Variants in HS6ST3 observed in about 807,000 individuals in gnomAD.
HS6ST3 encodes heparan sulfate 6-O-sulfotransferase 3, also known as heparan-sulfate 6-O-sulfotransferase 3.
In HS6ST3, 12 loss-of-function variants were observed where a neutral mutation model predicts 36.7. The ratio of observed to expected loss-of-function variants is 0.33; its 90% CI spans 0.21 to 0.53. The LOEUF (loss-of-function observed/expected upper bound fraction) is 0.53, where lower values mean the gene tolerates loss of function less well. Among genes scored for constraint, HS6ST3 ranks in the 20% least tolerant of loss-of-function variants. The pLI is 0.95. For synonymous variants in HS6ST3, 240 were observed against 257.5 expected (o/e 0.93, Z 0.65); for missense variants, 584 against 640.9 (o/e 0.91, Z 0.96).
chr13:96,768,926 C>T (rs753408609), intron 1 of HS6ST3, among the ~76,000 whole-genome samples: 2 of 152,026 alleles, frequency 1.3e-5, no homozygotes, highest in Admixed American at 6.5e-5. Context: ...CTGGGCTAGA[C>T]CCCAGAATGT....
At chr13:96,100,584 A>G (rs2053813506) in intron 1 of HS6ST3, among the ~76,000 whole-genome samples, 1 of 152,160 alleles carries the variant, frequency 6.6e-6, no homozygotes, top group African/African-American at 2.4e-5. Flanking sequence ...CCGAAGGAGA[A>G]ACTTCTGGAG....
chr13:96,262,444 T>C (rs1173353046), intron 1 of HS6ST3, among the ~76,000 whole-genome samples: 2 of 152,166 alleles, frequency 1.3e-5, no homozygotes, highest in Non-Finnish European at 2.9e-5. Context: ...ATGTGTCTTT[T>C]TGGGGAAAAA....
At chr13:96,699,307 A>T (rs1358726809) in intron 1 of HS6ST3, among the ~76,000 whole-genome samples, 4 of 152,226 alleles carry the variant, frequency 2.6e-5, no homozygotes, top group African/African-American at 9.6e-5. Context: ...ATCAGAATTC[A>T]CAAGCAACCT....
chr13:96,731,848 G>T (rs1951018219), intron 1 of HS6ST3, among the ~76,000 whole-genome samples: 1 of 151,856 alleles, frequency 6.6e-6, no homozygotes, highest in South Asian at 2.1e-4. Context: ...TAGAGACAGG[G>T]TCTCGCTATG....
intron 1 of HS6ST3, among the ~76,000 whole-genome samples, chr13:96,513,266 A>G (rs1409513253): frequency 1.4e-5 from 2 of 146,228 alleles, no homozygotes; most frequent in Non-Finnish European, 1.5e-5. Flanking sequence ...CTTTCTGTGT[A>G]TTTTTTTTTT....
chr13:96,281,190 G>C (rs2054774494), intron 1 of HS6ST3, among the ~76,000 whole-genome samples: 1 of 152,082 alleles, frequency 6.6e-6, no homozygotes, highest in Non-Finnish European at 1.5e-5. Flanking sequence ...ATTTTTAGTA[G>C]AGACGGGGTT....
chr13:96,587,199 A>T (rs188540748), intron 1 of HS6ST3, among the ~76,000 whole-genome samples: 2 of 151,744 alleles, frequency 1.3e-5, no homozygotes, highest in Non-Finnish European at 2.9e-5. Context: ...GTAGCTTTGT[A>T]GTATATTTTC....
chr13:96,471,957 A>G (rs184430180), intron 1 of HS6ST3, among the ~76,000 whole-genome samples: 12 of 152,272 alleles, frequency 7.9e-5, no homozygotes, highest in African/African-American at 2.9e-4. Flanking sequence ...TGCTTCTTCA[A>G]GGATCGGAAC....
At chr13:96,488,832 C>T (rs187437645) in intron 1 of HS6ST3, among the ~76,000 whole-genome samples, 192 of 152,168 alleles carry the variant, frequency 1.3e-3, no homozygotes, top group African/African-American at 4.2e-3. Flanking sequence ...ATCTTACTTT[C>T]AGTACCTGTG....
Position 96,264,890 on chromosome 13 carries a change from G to A in HS6ST3, c.707+173321G>A, listed in dbSNP as rs145725349. 4.7e-3 allele frequency among the ~76,000 whole-genome samples: 710 copies of A among 152,248 alleles called. 3 individuals are homozygous for A. Among genetic ancestry groups the A allele is most frequent in the Non-Finnish European group, 8.6e-3 (586 of 68,020 alleles). Reference sequence around the variant, plus strand: ...ATAACTTTTTAAAAGTTCTAATTAAGCAGTAATAAGTGGAATTGACATTTT... The same window carrying A: ...ATAACTTTTTAAAAGTTCTAATTAAACAGTAATAAGTGGAATTGACATTTT... On this transcript the variant is annotated intron_variant, in intron 1 of 1. Coordinates refer to ENST00000376705, the MANE Select transcript of HS6ST3 (RefSeq NM_153456.4).
At chr13:96,213,300 C>G (rs1380545312) in intron 1 of HS6ST3, among the ~76,000 whole-genome samples, 1 of 152,226 alleles carries the variant, frequency 6.6e-6, no homozygotes, top group Non-Finnish European at 1.5e-5. Flanking sequence ...GTGGTGTCCA[C>G]ACTTATGACC....
At chr13:96,196,644 G>A (rs1367721560) in intron 1 of HS6ST3, among the ~76,000 whole-genome samples, 3 of 152,212 alleles carry the variant, frequency 2.0e-5, no homozygotes, top group Non-Finnish European at 2.9e-5. Flanking sequence ...CAGAGCAGGG[G>A]CTTAAGAAGA....
intron 1 of HS6ST3, among the ~76,000 whole-genome samples, chr13:96,639,647 C>A (rs2056563120): frequency 6.6e-6 from 1 of 151,864 alleles, no homozygotes; most frequent in African/African-American, 2.4e-5. Flanking sequence ...ATCCTGTCAC[C>A]CAGATACTGA....
At chr13:96,469,850 G>A (rs1457676612) in intron 1 of HS6ST3, among the ~76,000 whole-genome samples, 1 of 152,074 alleles carries the variant, frequency 6.6e-6, no homozygotes, top group African/African-American at 2.4e-5. Flanking sequence ...TGGGAAACGT[G>A]ACTGGTACAA....
chr13:96,119,604 T>C (rs1287808065), intron 1 of HS6ST3, among the ~76,000 whole-genome samples: 1 of 152,204 alleles, frequency 6.6e-6, no homozygotes, highest in East Asian at 1.9e-4. Context: ...ATCAATCATT[T>C]TGACCTCCTG....
chr13:96,533,041 A>G (rs2056141846), intron 1 of HS6ST3, among the ~76,000 whole-genome samples: 1 of 152,200 alleles, frequency 6.6e-6, no homozygotes, highest in African/African-American at 2.4e-5. Flanking sequence ...AAAAGCTCTA[A>G]CATAAGATGC....
At position 96,709,366 on chromosome 13, in the gene HS6ST3, G is replaced by A. The variant is rs368920592; in HGVS notation, c.708-123124G>A. ...ATACAACATGTAAACACAAACACAC[G>A]ACTACAATTTCTTTGAGTTTAGGAA... is the stretch of plus-strand genomic sequence containing the variant. On this transcript the variant is annotated intron_variant, in intron 1 of 1. Coordinates refer to ENST00000376705, the MANE Select transcript of HS6ST3 (RefSeq NM_153456.4). Among the ~76,000 whole-genome samples, 81 of 152,216 alleles carry A rather than the reference G, an allele frequency of 5.3e-4. 1 individual carries two copies. In the South Asian group the frequency reaches 0.016, roughly 30 times the overall value.
intron 1 of HS6ST3, among the ~76,000 whole-genome samples, chr13:96,823,959 A>G (rs1190571817): frequency 1.3e-5 from 2 of 152,198 alleles, no homozygotes; most frequent in Non-Finnish European, 2.9e-5. Context: ...CACATTTTCC[A>G]TAATGGTAAT....
At chr13:96,136,626 AC>A (rs1293794403) in intron 1 of HS6ST3, among the ~76,000 whole-genome samples, 1 of 151,006 alleles carries the variant, frequency 6.6e-6, no homozygotes. Context: ...TTTGGTGGGG[AC>A]AAAAATCCAA....
Sources: allele counts gnomAD v4.1 joint callset (sites outside exome capture counted in the v4.1 genomes callset), GRCh38; gene constraint gnomAD v4.1.1; transcripts MANE v1.5; gene names NCBI Gene and HGNC (gene_info 2026-07-23, HGNC 2026-07-21).